Variants in FSTL5 observed in about 807,000 individuals in gnomAD.
FSTL5 encodes the protein follistatin like 5, also known as follistatin-related protein 5.
FSTL5 carries 62 observed loss-of-function variants against 89.1 expected under a neutral mutation model. The ratio of observed to expected loss-of-function variants is 0.70; its 90% CI spans 0.57 to 0.86. The LOEUF is 0.86. FSTL5 is among the 40% of genes least tolerant of loss of function. The pLI, the probability that FSTL5 is intolerant of heterozygous loss-of-function variation, is 0.00. For synonymous variants in FSTL5, 383 were observed against 346.2 expected, an observed-to-expected ratio of 1.11 and a Z score of -1.18; for missense variants, 1,057 against 1,001.6, an observed-to-expected ratio of 1.06 and a Z score of -0.75.
chr4:161,912,508 T>C (rs909994005), intron 4 of FSTL5, among the ~76,000 whole-genome samples: 6 of 152,156 alleles, frequency 3.9e-5, no homozygotes, highest in African/African-American at 1.4e-4. Context: ...TCCTCATTTT[T>C]CTCTTGCCGC....
Position 162,002,713 on chromosome 4 carries a change from C to T in FSTL5, c.160+30912G>A, listed in dbSNP as rs543681229. ...TATTTATTTTTGTGAAGCTTTTTTC[C>T]TATTATATTAAACAGCCTCTCTTCT... On this transcript the variant is annotated intron_variant, in intron 3 of 15. Coordinates refer to ENST00000306100, the MANE Select transcript of FSTL5 (RefSeq NM_020116.5). Among the ~76,000 whole-genome samples, 294 of 152,138 alleles carry T rather than the reference C, an allele frequency of 1.9e-3. 1 individual carries two copies. The highest frequency in any genetic ancestry group is 6.1e-3 in the African/African-American group (252 of 41,518).
intron 3 of FSTL5, among the ~76,000 whole-genome samples, chr4:161,940,921 T>C (rs1734563846): frequency 1.3e-5 from 2 of 151,828 alleles, no homozygotes; most frequent in Non-Finnish European, 2.9e-5. Flanking sequence ...CCTTTTTTGT[T>C]TTTCATTATG....
chr4:161,746,380 G>C (rs1218382890), intron 6 of FSTL5, among the ~76,000 whole-genome samples: 4 of 152,022 alleles, frequency 2.6e-5, no homozygotes, highest in African/African-American at 9.7e-5. Context: ...AACTCCACTT[G>C]TTCAAGCCCT....
intron 6 of FSTL5, among the ~76,000 whole-genome samples, chr4:161,708,152 TA>T (rs1313699893): frequency 2.0e-5 from 3 of 152,032 alleles, no homozygotes; most frequent in Non-Finnish European, 4.4e-5. Context: ...AAGAGGCAAA[TA>T]AAACATTGTA....
intron 4 of FSTL5, among the ~76,000 whole-genome samples, chr4:161,857,157 G>A (rs1004332735): frequency 6.6e-6 from 1 of 152,050 alleles, no homozygotes. Context: ...GGAAGCAGAG[G>A]GTGTCAAAAG....
At chr4:162,085,502 G>GT (rs1730279822) in intron 2 of FSTL5, among the ~76,000 whole-genome samples, 1 of 127,492 alleles carries the variant, frequency 7.8e-6, no homozygotes, top group South Asian at 2.6e-4. Flanking sequence ...CAATTATCCA[G>GT]TATTTCAAAC....
At chr4:161,958,659 T>A (rs1209947774) in intron 3 of FSTL5, among the ~76,000 whole-genome samples, 1 of 152,130 alleles carries the variant, frequency 6.6e-6, no homozygotes, top group African/African-American at 2.4e-5. Flanking sequence ...GGAAAAAGCA[T>A]TCCTAACCCT....
intron 8 of FSTL5, among the ~76,000 whole-genome samples, chr4:161,580,419 C>T (rs1733391962): frequency 6.6e-6 from 1 of 152,078 alleles, no homozygotes; most frequent in South Asian, 2.1e-4. Context: ...TGAGAAAAGA[C>T]CCTAGGTTCA....
chr4:161,865,667 C>A (rs1361066380), intron 4 of FSTL5, among the ~76,000 whole-genome samples: 1 of 152,016 alleles, frequency 6.6e-6, no homozygotes, highest in Middle Eastern at 3.2e-3. Context: ...TTTCAAAAGT[C>A]TTAAAAGCCT....
chr4:162,097,529 GC>G (rs1163432114), intron 2 of FSTL5, among the ~76,000 whole-genome samples: 2 of 151,588 alleles, frequency 1.3e-5, no homozygotes, highest in African/African-American at 2.4e-5. Context: ...GAAAACAGTA[GC>G]TTTAATTAGC....
intron 6 of FSTL5, among the ~76,000 whole-genome samples, chr4:161,676,082 A>G (rs574711416): frequency 2.0e-5 from 3 of 152,248 alleles, no homozygotes; most frequent in South Asian, 2.1e-4. Flanking sequence ...CATCATCTGG[A>G]AAGTAAAGGT....
intron 8 of FSTL5, among the ~76,000 whole-genome samples, chr4:161,556,703 AGGAAGTTTTATT>A (rs1476836982): frequency 6.6e-6 from 1 of 151,416 alleles, no homozygotes. Context: ...AATTTTGCTC[AGGAAGTTTTATT>A]GCAAACTAAT....
chr4:161,443,961 ATCT>A (rs1402601957), intron 15 of FSTL5, among the ~76,000 whole-genome samples: 1 of 152,040 alleles, frequency 6.6e-6, no homozygotes, highest in Non-Finnish European at 1.5e-5. Context: ...CAAGAAAAAA[ATCT>A]TCTATTTTTA....
chr4:161,434,744 C>T (rs191690975), intron 15 of FSTL5, among the ~76,000 whole-genome samples: 70 of 151,802 alleles, frequency 4.6e-4, no homozygotes, highest in East Asian at 3.3e-3. Context: ...TCTAATAATC[C>T]AGTTAAAACT....
chr4:161,687,638 T>A (rs1266615646), intron 6 of FSTL5, among the ~76,000 whole-genome samples: 1 of 152,158 alleles, frequency 6.6e-6, no homozygotes, highest in Non-Finnish European at 1.5e-5. Flanking sequence ...AAAGCCTCAC[T>A]CACATCTTAA....
At chr4:162,029,455 G>A (rs61540104) in intron 3 of FSTL5, among the ~76,000 whole-genome samples, 7,505 of 151,982 alleles carry the variant, frequency 0.049, 505 homozygotes, top group African/African-American at 0.16. Context: ...TAATGTCCTT[G>A]TAAAATTATA....
chr4:161,840,180 A>G (rs530637647), intron 4 of FSTL5, among the ~76,000 whole-genome samples: 2 of 151,978 alleles, frequency 1.3e-5, no homozygotes, highest in African/African-American at 4.8e-5. Context: ...TGGCTGATCT[A>G]AAGGAAAGTG....
intron 7 of FSTL5, among the ~76,000 whole-genome samples, chr4:161,591,907 C>T (rs1311369316): frequency 1.3e-5 from 2 of 152,144 alleles, no homozygotes; most frequent in Non-Finnish European, 2.9e-5. Flanking sequence ...CTCTAATTAG[C>T]GGAGCTAGGA....
intron 15 of FSTL5, among the ~76,000 whole-genome samples, chr4:161,431,872 A>T (rs1263635368): frequency 6.6e-6 from 1 of 152,174 alleles, no homozygotes; most frequent in Admixed American, 6.5e-5. Context: ...GGCAAAGAAG[A>T]TTATTATATA....
Sources: allele counts gnomAD v4.1 joint callset (sites outside exome capture counted in the v4.1 genomes callset), GRCh38; gene constraint gnomAD v4.1.1; transcripts MANE v1.5; gene names NCBI Gene and HGNC (gene_info 2026-07-23, HGNC 2026-07-21).